SLC12A7: variants seen among roughly 807,000 people sequenced by gnomAD.
SLC12A7 encodes the protein K-Cl cotransporter 4.
SLC12A7 carries 100 observed loss-of-function variants against 120.6 expected under a neutral mutation model. That is an observed-to-expected ratio of 0.83 (90% CI 0.71 to 0.98). The LOEUF is 0.98. Among genes scored for constraint, SLC12A7 ranks in the 50% least tolerant of loss-of-function variants. The probability of loss-of-function intolerance (pLI) is 0.00; values close to 1 mark genes in which losing one functional copy is unlikely to be tolerated. For missense variants in SLC12A7, 1,373 were observed against 1,548.1 expected (o/e 0.89, Z 1.90); for synonymous variants, 760 against 678.0 (o/e 1.12, Z -1.88).
chr5:1,101,961 A>C (rs1408529744), intron 1 of SLC12A7, among the ~76,000 whole-genome samples: 2 of 152,150 alleles, frequency 1.3e-5, no homozygotes, highest in Admixed American at 6.5e-5. Context: ...CCTCCCTGCC[A>C]AGCCCCCCAG....
chr5:1,082,225 AG>A (rs1739234570), intron 8 of SLC12A7, among the ~76,000 whole-genome samples: 2 of 62,056 alleles, frequency 3.2e-5, no homozygotes, highest in African/African-American at 1.1e-4. Flanking sequence ...CTTCCTCTCT[AG>A]GGTTCTGGAA....
Position 1,057,909 on chromosome 5 carries a change from G to A in SLC12A7, c.2848-260C>T, listed in dbSNP as rs183856280. ...TGAACTGGAAAGGCCCCATGACCCC[G>A]TACTGACAGGAGGTGACACGTGCTG... On this transcript the variant is annotated intron_variant, in intron 21 of 23. Coordinates refer to ENST00000264930, the MANE Select transcript of SLC12A7 (RefSeq NM_006598.3). Among the ~76,000 whole-genome samples, 190 of 152,302 alleles carry A rather than the reference G, an allele frequency of 1.2e-3. 1 individual carries two copies. Among genetic ancestry groups the A allele is most frequent in the South Asian group, 8.3e-3 (40 of 4,828 alleles).
rs543302592 is a variant in SLC12A7, at chr5:1,106,195, G to A, written c.124+5673C>T. 1.8e-4 allele frequency among the ~76,000 whole-genome samples: 28 copies of A among 152,364 alleles called. No individual in the cohort carries two copies. In the South Asian group the frequency reaches 2.5e-3, roughly 14 times the overall value. On this transcript the variant is annotated intron_variant, in intron 1 of 23. Coordinates refer to ENST00000264930, the MANE Select transcript of SLC12A7 (RefSeq NM_006598.3). ...TGGCCAGATATGGTGGCTCACTCCT[G>A]TAATCCCAGCACTCCGGGAGGCCGA... is the stretch of plus-strand genomic sequence containing the variant.
intron 12 of SLC12A7, 36 bp downstream of exon 12, chr5:1,077,797 C>T (rs1232241923): frequency 6.5e-7 from 1 of 1,529,604 alleles, no homozygotes; most frequent in Non-Finnish European, 8.8e-7. Context: ...CGACCCTGAC[C>T]TTCCAGGGTC....
intron 1 of SLC12A7, among the ~76,000 whole-genome samples, chr5:1,096,882 GAAGGAAGA>G (rs1741307557): frequency 8.3e-6 from 1 of 119,868 alleles, no homozygotes; most frequent in Non-Finnish European, 1.7e-5. Flanking sequence ...GGGAGGGAGG[GAAGGAAGA>G]AAGGAGGGAG....
chr5:1,082,824 C>T (rs112103401), intron 8 of SLC12A7, among the ~76,000 whole-genome samples: 1,894 of 143,584 alleles, frequency 0.013, 47 homozygotes, highest in African/African-American at 0.047. Context: ...CCAGGCTTCC[C>T]GTCTTGGGTT....
chr5:1,116,296 C>G (rs572170256), upstream of SLC12A7, among the ~76,000 whole-genome samples: 1 of 152,368 alleles, frequency 6.6e-6, no homozygotes, highest in South Asian at 2.1e-4. Context: ...CTGGCTTGCC[C>G]AGGGCGGGGC....
intron 1 of SLC12A7, among the ~76,000 whole-genome samples, chr5:1,099,731 C>A (rs1303123802): frequency 6.6e-6 from 1 of 152,220 alleles, no homozygotes; most frequent in Non-Finnish European, 1.5e-5. Flanking sequence ...GCCTGCCCAC[C>A]ACAGCTTAGA....
rs567209129 is a variant in SLC12A7, at chr5:1,064,638, CAG to C, written c.2438-388_2438-387del. On this transcript the variant is annotated intron_variant, in intron 18 of 23. Coordinates refer to ENST00000264930, the MANE Select transcript of SLC12A7 (RefSeq NM_006598.3). ...GGACGTTGAGGGGACAGCGAGGAGA[CAG>C]AGGGGACGGCGAGGAGACAGTGAAG... Among the ~76,000 whole-genome samples the C allele has an allele frequency of 3.6e-3, 545 of 151,664 alleles. 5 individuals carry two copies. The highest frequency in any genetic ancestry group is 4.0e-3 in the Non-Finnish European group (271 of 67,834).
the SLC12A7 span, among the ~76,000 whole-genome samples, chr5:1,124,731 G>A: frequency 1.3e-5 from 2 of 152,200 alleles, no homozygotes; most frequent in African/African-American, 4.8e-5. Flanking sequence ...AGACACTGGG[G>A]CGACGACCGT....
rs1736658857 is a variant in SLC12A7 at position 1,064,160 on chromosome 5, C to T, written c.2530G>A (p.Gly844Ser). Residue 844 changes from glycine to serine, a missense_variant, in exon 19 of 24, where the codon GGC becomes AGC. Transcript: ENST00000264930. ...FPQNQERFGG[G>S]HIDVWWIVHD... ...ACGATCCACCACACGTCGATGTGGC[C>T]CCCGCCGAAGCGCTCCTGGTTTTGC... 4.3e-6 allele frequency: 7 copies of T among 1,612,154 alleles called. No homozygotes were observed. The highest frequency in any genetic ancestry group is 3.3e-5 in the South Asian group (3 of 91,072).
At chr5:1,114,309 G>A (rs897682871), upstream of SLC12A7, among the ~76,000 whole-genome samples, 3 of 152,136 alleles carry the variant, frequency 2.0e-5, no homozygotes, top group Non-Finnish European at 4.4e-5. Context: ...ACCTCGGGTG[G>A]GGGGTGAGGT....
At chr5:1,088,478 G>A in intron 4 of SLC12A7, 118 bp from the exon 5 acceptor site, 4 of 1,095,552 alleles carry the variant, frequency 3.7e-6, no homozygotes, top group East Asian at 2.6e-5. Flanking sequence ...CCAACTCCAG[G>A]GCTCTCCATC....
At chr5:1,099,465 G>T (rs964524899) in intron 1 of SLC12A7, among the ~76,000 whole-genome samples, 4 of 142,264 alleles carry the variant, frequency 2.8e-5, no homozygotes, top group African/African-American at 9.3e-5. Context: ...TCCTCCGGGG[G>T]ACGGCAGGGC....
the SLC12A7 span, among the ~76,000 whole-genome samples, chr5:1,122,432 T>G: frequency 1.3e-5 from 2 of 152,262 alleles, no homozygotes; most frequent in Non-Finnish European, 2.9e-5. Flanking sequence ...AAAATGTTTG[T>G]TAGTTTTAAC....
At chr5:1,105,932 G>A (rs1024372372) in intron 1 of SLC12A7, among the ~76,000 whole-genome samples, 2 of 152,184 alleles carry the variant, frequency 1.3e-5, no homozygotes, top group African/African-American at 4.8e-5. Context: ...GGGAGGGGGA[G>A]GTCTACCCCT....
At chr5:1,099,286 C>T (rs887070517) in intron 1 of SLC12A7, among the ~76,000 whole-genome samples, 6 of 152,012 alleles carry the variant, frequency 3.9e-5, no homozygotes, top group Non-Finnish European at 7.4e-5. Flanking sequence ...AACCCGGACC[C>T]GGTCCACCTC....
intron 9 of SLC12A7, 82 bp downstream of exon 9, chr5:1,081,495 C>G: frequency 6.9e-7 from 1 of 1,444,268 alleles, no homozygotes; most frequent in Non-Finnish European, 9.5e-7. Context: ...GCCCTCCAGC[C>G]TGGGTGACAG....
the SLC12A7 span, among the ~76,000 whole-genome samples, chr5:1,122,133 G>A: frequency 1.8e-4 from 27 of 152,316 alleles, no homozygotes; most frequent in South Asian, 6.2e-4. Context: ...CAAGGGAACA[G>A]CAGGGAAGAC....
Sources: allele counts gnomAD v4.1 joint callset (sites outside exome capture counted in the v4.1 genomes callset), GRCh38; gene constraint gnomAD v4.1.1; transcripts MANE v1.5; gene names NCBI Gene and HGNC (gene_info 2026-07-23, HGNC 2026-07-21).